The following TAB1 variants were observed in gnomAD, a reference collection of about 807,000 sequenced individuals.
TAB1 encodes the protein TGF-beta activated kinase 1 (MAP3K7) binding protein 1.
In TAB1, 30 loss-of-function variants were observed where a neutral mutation model predicts 54.5. That is an observed-to-expected ratio of 0.55 (90% CI 0.41 to 0.75). TAB1 has a LOEUF of 0.75. Among genes scored for constraint, TAB1 ranks in the 30% least tolerant of loss-of-function variants. The pLI, the probability that TAB1 is intolerant of heterozygous loss-of-function variation, is 0.00. For synonymous variants in TAB1, 289 were observed against 286.9 expected, an observed-to-expected ratio of 1.01 and a Z score of -0.07; for missense variants, 609 against 683.2, an observed-to-expected ratio of 0.89 and a Z score of 1.21.
At chr22:39,435,439 C>T (rs974601359), downstream of TAB1, among the ~76,000 whole-genome samples, 1 of 152,142 alleles carries the variant, frequency 6.6e-6, no homozygotes, top group African/African-American at 2.4e-5. Context: ...GCAAAGCCTT[C>T]ACTCCCGCGG....
At chr22:39,426,220 G>A (rs1003828902) in intron 8 of TAB1, among the ~76,000 whole-genome samples, 1 of 152,204 alleles carries the variant, frequency 6.6e-6, no homozygotes, top group African/African-American at 2.4e-5. Context: ...CTAAATTGAG[G>A]AACATCTGTA....
intron 8 of TAB1, among the ~76,000 whole-genome samples, chr22:39,422,278 CAGG>C (rs1927125731): frequency 6.6e-6 from 1 of 151,960 alleles, no homozygotes; most frequent in Admixed American, 6.6e-5. Flanking sequence ...GGGCCAGGGC[CAGG>C]AGGAGAGCAC....
chr22:39,406,930 G>C (rs1926393567), intron 1 of TAB1, among the ~76,000 whole-genome samples: 1 of 152,202 alleles, frequency 6.6e-6, no homozygotes, highest in Non-Finnish European at 1.5e-5. Flanking sequence ...ACTGCGCCCG[G>C]CCTCTGGTCA....
chr22:39,434,852 C>T (rs1927726165), downstream of TAB1, among the ~76,000 whole-genome samples: 1 of 152,236 alleles, frequency 6.6e-6, no homozygotes, highest in Non-Finnish European at 1.5e-5. Flanking sequence ...TGATTAAGCT[C>T]CTGCACTCGG....
rs868418192 is a variant in TAB1, at chr22:39,430,753, C to T, written c.*531C>T. ...TCTGTCCCTGGGCCCCACCCCTGGA[C>T]CTGCCTTGGTTGTGTCATCTGTTGT... On this transcript the variant is annotated 3_prime_UTR_variant, in exon 11 of 11. Coordinates refer to ENST00000216160, the MANE Select transcript of TAB1 (RefSeq NM_006116.3). 4.0e-6 allele frequency: 4 copies of T among 1,011,966 alleles called. No individual in the cohort carries two copies. Among genetic ancestry groups the T allele is most frequent in the South Asian group, 4.1e-5 (1 of 24,172 alleles). The allele number at this position is 1,011,966 out of a possible 1,614,324, so 62.7% of individuals were successfully genotyped here.
intron 7 of TAB1, among the ~76,000 whole-genome samples, chr22:39,421,378 G>A (rs1927082815): frequency 6.6e-6 from 1 of 152,194 alleles, no homozygotes; most frequent in Admixed American, 6.5e-5. Flanking sequence ...GTGTTGGCAT[G>A]TAATGACTCT....
chr22:39,434,847 A>C (rs1927725734), downstream of TAB1, among the ~76,000 whole-genome samples: 1 of 152,224 alleles, frequency 6.6e-6, no homozygotes, highest in Non-Finnish European at 1.5e-5. Context: ...CGCCATGATT[A>C]AGCTCCTGCA....
Position 39,400,579 on chromosome 22 carries a change from C to G in TAB1, c.33+744C>G, listed in dbSNP as rs576369409. Among the ~76,000 whole-genome samples, 4 of 152,342 alleles carry G rather than the reference C, an allele frequency of 2.6e-5. No individual in the cohort carries two copies. The East Asian group carries it at 7.7e-4, about 29-fold the overall frequency. ...TGGACCCTCATGGGTTTGGCGCTGT[C>G]TTCCAGGCCCTGCGTCCTCTGACGC... On this transcript the variant is annotated intron_variant, in intron 1 of 10. Coordinates refer to ENST00000216160, the MANE Select transcript of TAB1 (RefSeq NM_006116.3).
At chr22:39,429,072 T>C (rs1476766714) in intron 10 of TAB1, 1 of 985,314 alleles carries the variant, frequency 1.0e-6, no homozygotes, top group Non-Finnish European at 1.2e-6. Flanking sequence ...GCTGTGGCCC[T>C]AGACAAGGCA....
chr22:39,436,703 A>AC, downstream of TAB1: 3 of 692,174 alleles, frequency 4.3e-6, no homozygotes, highest in East Asian at 8.0e-5. Flanking sequence ...GACTGGGCAG[A>AC]CCCCCTCCCT....
downstream of TAB1, among the ~76,000 whole-genome samples, chr22:39,434,618 G>A (rs1353770358): frequency 2.6e-5 from 4 of 152,230 alleles, no homozygotes; most frequent in Admixed American, 6.5e-5. Flanking sequence ...GGGCGGCCGC[G>A]TCAGGGACAG....
downstream of TAB1, among the ~76,000 whole-genome samples, chr22:39,432,206 G>C (rs549978094): frequency 6.6e-6 from 1 of 152,366 alleles, no homozygotes; most frequent in African/African-American, 2.4e-5. Context: ...ACTCCACTCT[G>C]CTGAGAGTGA....
chr22:39,413,210 G>A (rs1043000100), intron 1 of TAB1, among the ~76,000 whole-genome samples: 4 of 151,396 alleles, frequency 2.6e-5, no homozygotes, highest in Non-Finnish European at 5.9e-5. Flanking sequence ...CACCGCGCCC[G>A]GCCCATATCC....
chr22:39,429,549 C>T, intron 10 of TAB1: 1 of 290,646 alleles, frequency 3.4e-6, no homozygotes. Flanking sequence ...AAAATCTTGG[C>T]CCACTGCAAC....
At chr22:39,399,973 C>T (rs1049007656) in intron 1 of TAB1, 138 bp downstream of exon 1, 1 of 993,220 alleles carries the variant, frequency 1.0e-6, no homozygotes, top group South Asian at 1.5e-5. Flanking sequence ...TTCTCCTCTC[C>T]TCGGGCTGGC....
intron 4 of TAB1, 105 bp from the exon 5 acceptor site, chr22:39,417,606 G>A: frequency 8.2e-7 from 1 of 1,216,800 alleles, no homozygotes; most frequent in East Asian, 2.6e-5. Context: ...GGGGGACACA[G>A]CGAGACTCCA....
At chr22:39,432,097 G>A (rs576337288), downstream of TAB1, among the ~76,000 whole-genome samples, 6 of 152,268 alleles carry the variant, frequency 3.9e-5, no homozygotes, top group African/African-American at 2.4e-5. Flanking sequence ...GCCCACTCTC[G>A]GACCCAGATG....
rs1227756557 is a variant in TAB1, at chr22:39,415,061, G to T, written c.89G>T (p.Gly30Val). 1.2e-6 allele frequency: 2 copies of T among 1,613,860 alleles called. No homozygotes were observed. The highest frequency in any genetic ancestry group is 2.7e-5 in the African/African-American group (2 of 74,932). Residue 30 changes from glycine (G) to valine (V), a missense_variant, in exon 2 of 11, where the codon GGC (glycine) becomes GTC (valine). Physicochemically the swap from Gly to Val is moderately radical, Grantham distance 109 (BLOSUM62 -3). Transcript: ENST00000216160. This position sits in a 1 kb window ranked among gnomAD's most constrained non-coding sequence, Gnocchi z 4.9. ...CCTCTCTGCCACCTCTCTGGGGTTG[G>T]CTCAGCCTCCAACCGCAGCTACTCT... ...DLPLCHLSGVGSASNRSYSAD... is the reference protein window; with the variant it reads ...DLPLCHLSGVVSASNRSYSAD...
chr22:39,427,862 G>A (rs962559580), intron 9 of TAB1, among the ~76,000 whole-genome samples, 159 bp from the exon 10 acceptor site: 2 of 152,186 alleles, frequency 1.3e-5, no homozygotes, highest in African/African-American at 4.8e-5. Context: ...GCTGTCCCAA[G>A]GGGCAGGGGG....
Sources: allele counts gnomAD v4.1 joint callset (sites outside exome capture counted in the v4.1 genomes callset), GRCh38; gene constraint gnomAD v4.1.1; non-coding constraint Gnocchi (gnomAD v3.1); transcripts MANE v1.5; gene names NCBI Gene and HGNC (gene_info 2026-07-23, HGNC 2026-07-21).